MAGI2: variants seen among roughly 807,000 people sequenced by gnomAD.
The protein encoded by MAGI2 is membrane associated guanylate kinase, WW and PDZ domain containing 2, also known as membrane-associated guanylate kinase, WW and PDZ domain-containing protein 2.
MAGI2 carries 35 observed loss-of-function variants against 133.3 expected under a neutral mutation model. The observed-to-expected ratio is 0.26, with a 90% CI of 0.20 to 0.35. The LOEUF is 0.35. Ranked by LOEUF, MAGI2 falls within the 10% of genes least tolerant of loss-of-function variation. The probability of loss-of-function intolerance (pLI) is 1.00; values close to 1 mark genes in which losing one functional copy is unlikely to be tolerated. For synonymous variants in MAGI2, 729 were observed against 710.6 expected, an observed-to-expected ratio of 1.03 and a Z score of -0.41; for missense variants, 1,636 against 1,863.4, an observed-to-expected ratio of 0.88 and a Z score of 2.25.
chr7:79,405,714 A>G (rs1169316355), intron 1 of MAGI2, among the ~76,000 whole-genome samples: 1 of 152,134 alleles, frequency 6.6e-6, no homozygotes, highest in Non-Finnish European at 1.5e-5. Flanking sequence ...AACAAATTCA[A>G]TGTCAGGAGT....
intron 1 of MAGI2, among the ~76,000 whole-genome samples, chr7:79,254,123 A>T (rs1833519315): frequency 6.6e-6 from 1 of 151,952 alleles, no homozygotes. Context: ...GTGTTATGTT[A>T]TGTGAGTGAG....
At chr7:79,189,518 C>T (rs969053141) in intron 1 of MAGI2, among the ~76,000 whole-genome samples, 3 of 151,454 alleles carry the variant, frequency 2.0e-5, no homozygotes, top group Non-Finnish European at 2.9e-5. Flanking sequence ...TTAAGCGGAA[C>T]GTACAGTTTC....
chr7:78,216,202 C>A (rs1788255191), intron 10 of MAGI2, among the ~76,000 whole-genome samples: 1 of 152,200 alleles, frequency 6.6e-6, no homozygotes, highest in African/African-American at 2.4e-5. Context: ...TGTGCCATAG[C>A]AATTCAAGTT....
intron 1 of MAGI2, among the ~76,000 whole-genome samples, chr7:79,239,920 G>T (rs929117550): frequency 1.3e-5 from 2 of 152,252 alleles, no homozygotes; most frequent in Middle Eastern, 3.4e-3. Flanking sequence ...TCTTAGAATT[G>T]CTCCTGCCTT....
At chr7:78,537,664 C>A (rs184148196) in intron 3 of MAGI2, among the ~76,000 whole-genome samples, 1 of 152,198 alleles carries the variant, frequency 6.6e-6, no homozygotes, top group East Asian at 1.9e-4. Flanking sequence ...TGTCCATATT[C>A]TTAGCCCATT....
intron 1 of MAGI2, among the ~76,000 whole-genome samples, chr7:79,127,245 G>C (rs533644843): frequency 1.3e-5 from 2 of 152,146 alleles, no homozygotes; most frequent in African/African-American, 4.8e-5. Flanking sequence ...ATTGTGAATG[G>C]TGCCACAATA....
At chr7:79,428,879 A>T (rs1463871542) in intron 1 of MAGI2, among the ~76,000 whole-genome samples, 1 of 152,132 alleles carries the variant, frequency 6.6e-6, no homozygotes, top group East Asian at 1.9e-4. Flanking sequence ...ACACAAAAAC[A>T]TTTATCTGTC....
At chr7:79,365,720 C>A (rs1842656224) in intron 1 of MAGI2, among the ~76,000 whole-genome samples, 1 of 151,438 alleles carries the variant, frequency 6.6e-6, no homozygotes, top group African/African-American at 2.4e-5. Context: ...ATTAGCCAGG[C>A]ATGGTGGCAG....
intron 1 of MAGI2, among the ~76,000 whole-genome samples, chr7:79,305,925 C>A (rs1216644354): frequency 1.3e-5 from 2 of 151,302 alleles, no homozygotes; most frequent in Non-Finnish European, 2.9e-5. Context: ...TAAATAAGAT[C>A]TAAAACTCCT....
In MAGI2 at chr7:78,748,304, G is replaced by A. The variant is rs375036188; in HGVS notation, c.419-121065C>T. ...GTTTGGTAATTGGCCATGGATATAAGGAAAATGACTGTAAAAGAAACTTTT... is the reference window on the plus strand; with the variant it reads ...GTTTGGTAATTGGCCATGGATATAAAGAAAATGACTGTAAAAGAAACTTTT... On this transcript the variant is annotated intron_variant, in intron 2 of 21. Transcript: ENST00000354212. Among the ~76,000 whole-genome samples, 12 of 152,224 alleles carry A rather than the reference G, an allele frequency of 7.9e-5. No individual in the cohort carries two copies. The East Asian group carries it at 2.1e-3, about 27-fold the overall frequency.
intron 2 of MAGI2, among the ~76,000 whole-genome samples, chr7:78,994,563 A>G (rs1408372267): frequency 6.6e-6 from 1 of 152,152 alleles, no homozygotes; most frequent in Non-Finnish European, 1.5e-5. Context: ...AGATTTGCTC[A>G]AAGAACTGTC....
intron 6 of MAGI2, among the ~76,000 whole-genome samples, chr7:78,450,572 A>G (rs1410053029): frequency 2.0e-5 from 3 of 152,120 alleles, no homozygotes; most frequent in Admixed American, 2.0e-4. Context: ...GGAGTTGAAA[A>G]CATTCTTAGG....
intron 13 of MAGI2, 96 bp from the exon 14 acceptor site, chr7:78,178,198 C>T (rs770535564): frequency 1.0e-5 from 8 of 766,200 alleles, no homozygotes; most frequent in Admixed American, 4.1e-5. Context: ...TTTGTGGATG[C>T]GATTAATGAG....
At chr7:78,321,867 T>C (rs1022620629) in intron 9 of MAGI2, among the ~76,000 whole-genome samples, 2 of 152,086 alleles carry the variant, frequency 1.3e-5, no homozygotes, top group African/African-American at 4.8e-5. Context: ...TTGCAATCTA[T>C]CTATCTGACA....
chr7:79,268,745 G>C (rs1834655994), intron 1 of MAGI2, among the ~76,000 whole-genome samples: 1 of 152,254 alleles, frequency 6.6e-6, no homozygotes, highest in African/African-American at 2.4e-5. Flanking sequence ...GCAAGTGCCT[G>C]AGTTTAGATC....
At chr7:79,193,745 T>A (rs1827857355) in intron 1 of MAGI2, among the ~76,000 whole-genome samples, 1 of 151,864 alleles carries the variant, frequency 6.6e-6, no homozygotes, top group Non-Finnish European at 1.5e-5. Flanking sequence ...CCACTTTTTG[T>A]ACAAGGGCCC....
intron 1 of MAGI2, among the ~76,000 whole-genome samples, chr7:79,386,650 C>G (rs941097865): frequency 1.3e-5 from 2 of 152,020 alleles, no homozygotes; most frequent in African/African-American, 4.8e-5. Context: ...TCCTCTCATG[C>G]TTAGGTTTAT....
intron 2 of MAGI2, among the ~76,000 whole-genome samples, chr7:78,876,838 A>G (rs1795462429): frequency 6.6e-6 from 1 of 152,234 alleles, no homozygotes; most frequent in African/African-American, 2.4e-5. Context: ...TGAAATATTT[A>G]CAAATATTAT....
chr7:78,500,048 G>C (rs994777700), intron 5 of MAGI2, among the ~76,000 whole-genome samples: 2 of 152,112 alleles, frequency 1.3e-5, no homozygotes, highest in African/African-American at 4.8e-5. Context: ...TTTAAAATTA[G>C]AACATTTGCT....
Sources: gnomAD v4.1 joint callset for allele counts (sites outside exome capture counted in the v4.1 genomes callset) on GRCh38, gnomAD v4.1.1 for gene constraint, MANE v1.5 for transcripts, NCBI Gene and HGNC (gene_info 2026-07-23, HGNC 2026-07-21) for gene names.